FSTL4: variants seen among roughly 807,000 people sequenced by gnomAD.
The protein encoded by FSTL4 is follistatin-related protein 4.
Under a neutral mutation model 78.2 loss-of-function variants are expected in FSTL4, and 28 were observed. The ratio of observed to expected loss-of-function variants is 0.36; its 90% CI spans 0.27 to 0.49. The LOEUF is 0.49. FSTL4 is among the 20% of genes least tolerant of loss of function. FSTL4 has a pLI of 0.98. For missense variants in FSTL4, 922 were observed against 1,084.9 expected (o/e 0.85, Z 2.11); for synonymous variants, 422 against 440.5 (o/e 0.96, Z 0.53).
chr5:133,775,822 T>G, the FSTL4 span, among the ~76,000 whole-genome samples: 2 of 152,274 alleles, frequency 1.3e-5, no homozygotes, highest in South Asian at 4.1e-4. Flanking sequence ...TGAGTCAGAA[T>G]AGACAATATA....
chr5:133,491,830 T>C (rs780868102), intron 3 of FSTL4, among the ~76,000 whole-genome samples: 1 of 152,240 alleles, frequency 6.6e-6, no homozygotes, highest in East Asian at 1.9e-4. Flanking sequence ...AATCTGAAAA[T>C]TGCTATTGAC....
chr5:133,476,442 G>A (rs1296983401), intron 3 of FSTL4, among the ~76,000 whole-genome samples: 1 of 152,148 alleles, frequency 6.6e-6, no homozygotes, highest in African/African-American at 2.4e-5. Flanking sequence ...TTATACCAAT[G>A]CTTTCATAGC....
At chr5:133,582,106 C>G (rs1309503780) in intron 2 of FSTL4, among the ~76,000 whole-genome samples, 1 of 152,226 alleles carries the variant, frequency 6.6e-6, no homozygotes, top group Non-Finnish European at 1.5e-5. Context: ...CAGAGGATGG[C>G]TTGGGCAGGC....
At chr5:133,816,229 G>A in the FSTL4 span, among the ~76,000 whole-genome samples, 1 of 152,186 alleles carries the variant, frequency 6.6e-6, no homozygotes, top group African/African-American at 2.4e-5. Flanking sequence ...ATGGTAGAGT[G>A]GAGGCCTTGC....
intron 4 of FSTL4, among the ~76,000 whole-genome samples, chr5:133,356,152 G>A (rs1754940914): frequency 6.6e-6 from 1 of 152,216 alleles, no homozygotes; most frequent in Non-Finnish European, 1.5e-5. Context: ...GTCTTTTCAT[G>A]CAGACAGCTA....
At chr5:133,704,443 A>T in the FSTL4 span, among the ~76,000 whole-genome samples, 51 of 152,312 alleles carry the variant, frequency 3.3e-4, no homozygotes, top group African/African-American at 1.2e-3. Flanking sequence ...CCAAGGGTTC[A>T]GGCCCCCAGG....
At chr5:133,466,324 T>C (rs933948320) in intron 3 of FSTL4, among the ~76,000 whole-genome samples, 33 of 152,060 alleles carry the variant, frequency 2.2e-4, no homozygotes, top group Non-Finnish European at 1.8e-4. Flanking sequence ...GGGCAGATCA[T>C]GGGGTCAGGA....
intron 3 of FSTL4, among the ~76,000 whole-genome samples, chr5:133,469,949 A>G (rs74755308): frequency 0.047 from 7,097 of 152,222 alleles, 242 homozygotes; most frequent in Non-Finnish European, 0.063. Context: ...TGCAGAAAAA[A>G]AAAACAGAAG....
At chr5:133,778,827 C>T in the FSTL4 span, among the ~76,000 whole-genome samples, 3 of 152,238 alleles carry the variant, frequency 2.0e-5, no homozygotes, top group Non-Finnish European at 2.9e-5. Context: ...AAGACCTCAC[C>T]GTCCTGCCCA....
At chr5:133,830,413 C>A in the FSTL4 span, among the ~76,000 whole-genome samples, 1 of 152,172 alleles carries the variant, frequency 6.6e-6, no homozygotes, top group South Asian at 2.1e-4. Context: ...AGTACCACCG[C>A]ATGGAGGAAG....
chr5:133,400,842 C>G lies in FSTL4; in HGVS notation c.305G>C (p.Gly102Ala). ...GTTTTCATAAAACCTCCCATCAGAG[C>G]CGCACACAGGCACGTAGCTGGGCCT... Reference protein sequence around the residue: ...ACRPSYVPVCGSDGRFYENHC... With the variant: ...ACRPSYVPVCASDGRFYENHC... The change falls in exon 4 of 16, where the codon GGC (glycine) becomes GCC (alanine). Residue 102 changes from glycine (G) to alanine (A), a missense_variant. Coordinates refer to ENST00000265342, the MANE Select transcript of FSTL4 (RefSeq NM_015082.2). 6.2e-7 allele frequency: 1 copy of G among 1,614,046 alleles called. No homozygotes were observed. The highest frequency in any genetic ancestry group is 1.3e-5 in the African/African-American group (1 of 75,064).
chr5:133,747,977 A>G, the FSTL4 span, among the ~76,000 whole-genome samples: 1 of 152,114 alleles, frequency 6.6e-6, no homozygotes, highest in African/African-American at 2.4e-5. Context: ...CAGGCAGATC[A>G]CAAGGTCAAG....
intron 6 of FSTL4, among the ~76,000 whole-genome samples, chr5:133,301,933 G>A (rs141560539): frequency 9.9e-5 from 15 of 152,224 alleles, no homozygotes; most frequent in East Asian, 9.7e-4. Context: ...ACTGCTGAGC[G>A]GTCCTCAGCT....
intron 4 of FSTL4, among the ~76,000 whole-genome samples, chr5:133,384,401 G>C (rs1321353951): frequency 6.6e-6 from 1 of 152,226 alleles, no homozygotes; most frequent in Non-Finnish European, 1.5e-5. Flanking sequence ...AGCCCAAATG[G>C]GAAACTTGGC....
chr5:133,472,651 G>C (rs754524415), intron 3 of FSTL4, among the ~76,000 whole-genome samples: 4 of 152,312 alleles, frequency 2.6e-5, no homozygotes, highest in South Asian at 2.1e-4. Flanking sequence ...GAAATACTAG[G>C]ACATGATTTG....
chr5:133,658,950 A>G, the FSTL4 span, among the ~76,000 whole-genome samples: 493 of 152,272 alleles, frequency 3.2e-3, 3 homozygotes, highest in African/African-American at 0.011. Context: ...ATTTAATTTA[A>G]TAGCATCATG....
intron 3 of FSTL4, among the ~76,000 whole-genome samples, chr5:133,478,808 T>C: frequency 6.6e-6 from 1 of 152,038 alleles, no homozygotes; most frequent in Admixed American, 6.6e-5. Flanking sequence ...CCCGGATTGC[T>C]AAATGGAAAG....
the FSTL4 span, among the ~76,000 whole-genome samples, chr5:133,829,240 A>T: frequency 6.6e-6 from 1 of 152,048 alleles, no homozygotes; most frequent in African/African-American, 2.4e-5. Context: ...AAATACAAAA[A>T]AATAAAATTA....
chr5:133,730,200 G>A, the FSTL4 span, among the ~76,000 whole-genome samples: 4 of 152,186 alleles, frequency 2.6e-5, no homozygotes, highest in African/African-American at 9.7e-5. Flanking sequence ...AGATATAACT[G>A]TGCCATTCCT....
Sources: allele counts gnomAD v4.1 joint callset (sites outside exome capture counted in the v4.1 genomes callset), GRCh38; gene constraint gnomAD v4.1.1; transcripts MANE v1.5; gene names NCBI Gene and HGNC (gene_info 2026-07-23, HGNC 2026-07-21).